ANK2: variants seen among roughly 807,000 people sequenced by gnomAD.
ANK2 encodes the protein ankyrin-2.
Under a neutral mutation model 360.5 loss-of-function variants are expected in ANK2, and 83 were observed. The ratio of observed to expected loss-of-function variants is 0.23; its 90% confidence interval spans 0.19 to 0.28. ANK2 has a LOEUF of 0.28. Ranked by LOEUF, ANK2 falls within the 10% of genes least tolerant of loss-of-function variation. The pLI is 1.00. For synonymous variants in ANK2, 1,740 were observed against 1,759.5 expected (o/e 0.99, Z 0.28); for missense variants, 4,201 against 4,795.7 (o/e 0.88, Z 3.66).
At chr4:112,863,348 A>T (rs889736862) in intron 1 of ANK2, among the ~76,000 whole-genome samples, 15 of 152,080 alleles carry the variant, frequency 9.9e-5, no homozygotes, top group African/African-American at 3.4e-4. Flanking sequence ...TTATTAAAAA[A>T]TTTTAATAAT....
chr4:113,288,877 C>G (rs2066105284), intron 20 of ANK2, among the ~76,000 whole-genome samples: 1 of 152,070 alleles, frequency 6.6e-6, no homozygotes, highest in African/African-American at 2.4e-5. Flanking sequence ...GACTGCGTGC[C>G]TTTCATTTTT....
the ANK2 span, among the ~76,000 whole-genome samples, chr4:112,809,899 T>C: frequency 0.092 from 13,808 of 150,428 alleles, 884 homozygotes; most frequent in African/African-American, 0.18. Context: ...TCCCTGCATT[T>C]GGGGAGAAAT....
intron 1 of ANK2, among the ~76,000 whole-genome samples, chr4:112,837,178 C>T (rs2061170250): frequency 6.6e-6 from 1 of 152,232 alleles, no homozygotes; most frequent in Admixed American, 6.5e-5. Context: ...GCTCCAGTTC[C>T]AGCTGTGGCT....
At position 113,145,710 on chromosome 4, in the gene ANK2, A is replaced by G. The variant is rs890334097; in HGVS notation, c.85-28706A>G. 4 of 1,140,012 alleles carry G rather than the reference A, an allele frequency of 3.5e-6. No homozygotes were observed. In the African/African-American group the frequency reaches 6.4e-5, roughly 18 times the overall value. The allele number at this position is 1,140,012 out of a possible 1,614,324, so 70.6% of individuals were successfully genotyped here. On this transcript the variant is annotated intron_variant, in intron 1 of 45. Coordinates refer to ENST00000357077, the MANE Select transcript of ANK2 (RefSeq NM_001148.6). ...TCTCTCTGACACCAGCAAGCCAGCT[A>G]GCAGATGGGGAGAACTGGTGAGGGG...
At chr4:113,315,657 G>A (rs1365610600) in intron 24 of ANK2, among the ~76,000 whole-genome samples, 1 of 152,140 alleles carries the variant, frequency 6.6e-6, no homozygotes, top group Non-Finnish European at 1.5e-5. Flanking sequence ...CCAGCACTTT[G>A]GGAGGCCAAG....
At chr4:113,325,674 G>A (rs915516741) in intron 26 of ANK2, among the ~76,000 whole-genome samples, 7 of 152,032 alleles carry the variant, frequency 4.6e-5, no homozygotes, top group African/African-American at 1.7e-4. Flanking sequence ...CTCAATAAAG[G>A]TTAGTTTCTC....
Position 113,274,236 on chromosome 4 carries a change from G to GTA in ANK2, c.1486-212_1486-211dup, listed in dbSNP as rs2059469586. 3.9e-5 allele frequency among the ~76,000 whole-genome samples: 6 copies of GTA among 152,338 alleles called. No individual in the cohort carries two copies. The South Asian group carries it at 1.2e-3, about 32-fold the overall frequency. On this transcript the variant is annotated intron_variant, in intron 14 of 45. Transcript: ENST00000357077. ...GAAAGCAGTGATCAAGTTCATGGAAGTATATGCTTTTTAAAAATCAAAGGG... is the reference window on the plus strand; with the variant it reads ...GAAAGCAGTGATCAAGTTCATGGAAGTATATATGCTTTTTAAAAATCAAAGGG...
At chr4:113,378,768 A>G (rs1435788962) in intron 45 of ANK2, among the ~76,000 whole-genome samples, 1 of 152,164 alleles carries the variant, frequency 6.6e-6, no homozygotes. Flanking sequence ...ACGCTTATAC[A>G]AGGGGGCTGA....
chr4:112,984,708 A>G (rs2154275094), intron 2 of ANK2, among the ~76,000 whole-genome samples: 1 of 152,220 alleles, frequency 6.6e-6, no homozygotes, highest in African/African-American at 2.4e-5. Context: ...GTAGAGCCAC[A>G]GAAATTTACC....
At chr4:113,010,226 G>A (rs1330391870) in intron 2 of ANK2, among the ~76,000 whole-genome samples, 2 of 152,078 alleles carry the variant, frequency 1.3e-5, no homozygotes, top group African/African-American at 2.4e-5. Context: ...TTCCTGTAAT[G>A]TCAATCAATT....
At chr4:112,752,149 G>C in the ANK2 span, among the ~76,000 whole-genome samples, 2 of 152,166 alleles carry the variant, frequency 1.3e-5, no homozygotes, top group African/African-American at 4.8e-5. Context: ...ATTCTCCACT[G>C]GACACTGTGT....
intron 1 of ANK2, among the ~76,000 whole-genome samples, chr4:112,879,006 A>G (rs1036769373): frequency 6.6e-6 from 1 of 152,182 alleles, no homozygotes; most frequent in African/African-American, 2.4e-5. Flanking sequence ...TTTCTAACCA[A>G]TGTAAGGAGC....
In ANK2 at chr4:112,895,904, C is replaced by T. The variant is rs146732570; in HGVS notation, c.-39-8551C>T. Among the ~76,000 whole-genome samples, 3 of 152,356 alleles carry T rather than the reference C, an allele frequency of 2.0e-5. No homozygotes were observed. The East Asian group carries it at 5.8e-4, about 29-fold the overall frequency. Reference sequence around the variant, plus strand: ...CTGAGAGTATGTGTCAAAGCGAGAGCATTCAAACTGTCTGTGATTCAGCGT... The same window carrying T: ...CTGAGAGTATGTGTCAAAGCGAGAGTATTCAAACTGTCTGTGATTCAGCGT... On this transcript the variant is annotated intron_variant, in intron 1 of 30. Transcript: ENST00000503271.
chr4:112,780,950 C>T, the ANK2 span, among the ~76,000 whole-genome samples: 1 of 152,094 alleles, frequency 6.6e-6, no homozygotes, highest in African/African-American at 2.4e-5. Context: ...ACTTTAATGA[C>T]CATAAGTTGA....
At chr4:113,184,438 G>A (rs887010956) in intron 2 of ANK2, among the ~76,000 whole-genome samples, 6 of 152,066 alleles carry the variant, frequency 3.9e-5, no homozygotes, top group Non-Finnish European at 7.4e-5. Flanking sequence ...CCAGGAGTCT[G>A]TAGAGTTCAG....
At chr4:112,807,058 AT>A in the ANK2 span, among the ~76,000 whole-genome samples, 4 of 152,150 alleles carry the variant, frequency 2.6e-5, no homozygotes, top group African/African-American at 7.2e-5. Flanking sequence ...GCTGGTGTTT[AT>A]TAGCATGGCT....
At chr4:113,269,285 G>A (rs568828421) in intron 14 of ANK2, among the ~76,000 whole-genome samples, 103 of 152,264 alleles carry the variant, frequency 6.8e-4, no homozygotes, top group African/African-American at 2.4e-3. Context: ...GGAGTGAACC[G>A]TTCTGTCTCA....
At chr4:112,717,461 A>G in the ANK2 span, among the ~76,000 whole-genome samples, 3 of 152,312 alleles carry the variant, frequency 2.0e-5, no homozygotes, top group African/African-American at 7.2e-5. Flanking sequence ...GAGACTGCCC[A>G]ATGTAATGAA....
chr4:113,163,105 A>G (rs17444921), intron 1 of ANK2, among the ~76,000 whole-genome samples: 4,557 of 152,308 alleles, frequency 0.03, 106 homozygotes, highest in Middle Eastern at 0.068. Context: ...TACAGTACAC[A>G]TATTACATAT....
Sources: allele counts gnomAD v4.1 joint callset (sites outside exome capture counted in the v4.1 genomes callset), GRCh38; gene constraint gnomAD v4.1.1; transcripts MANE v1.5; gene names NCBI Gene and HGNC (gene_info 2026-07-23, HGNC 2026-07-21).